SCHIP1: variants seen among roughly 807,000 people sequenced by gnomAD.
The protein encoded by SCHIP1 is schwannomin-interacting protein 1.
In SCHIP1, 8 loss-of-function variants were observed where a neutral mutation model predicts 29.7. That is an observed-to-expected ratio of 0.27 (90% CI 0.16 to 0.49). The LOEUF (loss-of-function observed/expected upper bound fraction) is 0.49, where lower values mean the gene tolerates loss of function less well. Ranked by LOEUF, SCHIP1 falls within the 20% of genes least tolerant of loss-of-function variation. SCHIP1 has a pLI of 0.99. For synonymous variants in SCHIP1, 76 were observed against 94.9 expected (o/e 0.80, Z 1.16); for missense variants, 193 against 294.6 (o/e 0.66, Z 2.52).
At chr3:159,552,412 C>A in the SCHIP1 span, among the ~76,000 whole-genome samples, 1 of 152,006 alleles carries the variant, frequency 6.6e-6, no homozygotes, top group African/African-American at 2.4e-5. Context: ...CTCTGACCTT[C>A]AGTTTCTTAA....
chr3:159,300,507 A>G, the SCHIP1 span, among the ~76,000 whole-genome samples: 1 of 152,106 alleles, frequency 6.6e-6, no homozygotes. Context: ...GAATTTTTCC[A>G]GCTCCCTCTT....
the SCHIP1 span, among the ~76,000 whole-genome samples, chr3:159,595,665 A>G: frequency 6.6e-6 from 1 of 152,186 alleles, no homozygotes; most frequent in Non-Finnish European, 1.5e-5. Flanking sequence ...ATTTAAAAAA[A>G]GAATACCAGA....
the SCHIP1 span, among the ~76,000 whole-genome samples, chr3:159,514,619 T>C: frequency 6.6e-6 from 1 of 152,212 alleles, no homozygotes; most frequent in Admixed American, 6.5e-5. Flanking sequence ...CAACCTTCTA[T>C]TGTGAGTAAA....
the SCHIP1 span, among the ~76,000 whole-genome samples, chr3:159,347,797 C>G: frequency 1.3e-5 from 2 of 152,032 alleles, no homozygotes; most frequent in Admixed American, 1.3e-4. Context: ...GATTCAATTC[C>G]TGAGTTATGA....
At chr3:159,515,174 T>C in the SCHIP1 span, among the ~76,000 whole-genome samples, 1 of 151,878 alleles carries the variant, frequency 6.6e-6, no homozygotes, top group East Asian at 1.9e-4. Context: ...CTTTAGTTTG[T>C]TCTCAACACA....
the SCHIP1 span, among the ~76,000 whole-genome samples, chr3:159,736,721 A>G: frequency 6.6e-6 from 1 of 151,540 alleles, no homozygotes; most frequent in South Asian, 2.1e-4. Flanking sequence ...TACCCTTGTA[A>G]TACAAGCCCA....
At chr3:159,672,921 G>A in the SCHIP1 span, among the ~76,000 whole-genome samples, 1 of 152,184 alleles carries the variant, frequency 6.6e-6, no homozygotes, top group African/African-American at 2.4e-5. Flanking sequence ...AAGTGGTGGT[G>A]GCGAGTACTG....
At chr3:159,854,853 T>C (rs555367629) in intron 1 of SCHIP1, among the ~76,000 whole-genome samples, 1 of 152,354 alleles carries the variant, frequency 6.6e-6, no homozygotes, top group East Asian at 1.9e-4. Context: ...TCATGACTGT[T>C]CTAGTTTTTT....
the SCHIP1 span, among the ~76,000 whole-genome samples, chr3:159,421,676 G>C: frequency 6.6e-6 from 1 of 152,168 alleles, no homozygotes; most frequent in African/African-American, 2.4e-5. Flanking sequence ...CTAATCTTAT[G>C]TCTTTGATTT....
chr3:159,382,744 T>G, the SCHIP1 span, among the ~76,000 whole-genome samples: 1 of 152,154 alleles, frequency 6.6e-6, no homozygotes, highest in Non-Finnish European at 1.5e-5. Context: ...GTGTTCCTAT[T>G]TCTCCACATC....
At chr3:159,833,585 GC>G in the SCHIP1 span, among the ~76,000 whole-genome samples, 2 of 152,144 alleles carry the variant, frequency 1.3e-5, no homozygotes, top group African/African-American at 4.8e-5. Flanking sequence ...ACATTATTGT[GC>G]CTTCCACAGT....
the SCHIP1 span, among the ~76,000 whole-genome samples, chr3:159,551,437 T>A: frequency 1.3e-5 from 2 of 152,204 alleles, no homozygotes. Flanking sequence ...TTCCTCCCCC[T>A]TTATCACTAG....
At chr3:159,886,289 A>G in exon 3 of SCHIP1, 3 of 1,614,122 alleles carry the variant, frequency 1.9e-6, no homozygotes, top group Non-Finnish European at 2.5e-6. Flanking sequence ...TGACAGTAAG[A>G]CTGAAACCAG....
chr3:159,472,482 C>T, the SCHIP1 span, among the ~76,000 whole-genome samples: 1 of 152,110 alleles, frequency 6.6e-6, no homozygotes, highest in Non-Finnish European at 1.5e-5. Context: ...AGCCTTTTAC[C>T]TCTTATGCTA....
At chr3:159,496,854 C>A in the SCHIP1 span, among the ~76,000 whole-genome samples, 2 of 152,068 alleles carry the variant, frequency 1.3e-5, no homozygotes, top group Non-Finnish European at 2.9e-5. Context: ...TGGAACCAAC[C>A]CAAATGTCCA....
At chr3:159,635,071 T>G in the SCHIP1 span, among the ~76,000 whole-genome samples, 2 of 152,194 alleles carry the variant, frequency 1.3e-5, no homozygotes, top group African/African-American at 4.8e-5. Flanking sequence ...TCTGCAAATC[T>G]AGGCTGTAAA....
chr3:159,529,509 G>A, the SCHIP1 span, among the ~76,000 whole-genome samples: 1 of 151,814 alleles, frequency 6.6e-6, no homozygotes, highest in African/African-American at 2.4e-5. Context: ...ACATATTTAT[G>A]GCTTACATGT....
At chr3:159,389,022 G>A in the SCHIP1 span, among the ~76,000 whole-genome samples, 1 of 151,958 alleles carries the variant, frequency 6.6e-6, no homozygotes. Context: ...ACCCAAGAAG[G>A]AAAATACTGA....
chr3:159,428,517 A>G, the SCHIP1 span, among the ~76,000 whole-genome samples: 1 of 152,318 alleles, frequency 6.6e-6, no homozygotes, highest in East Asian at 1.9e-4. Flanking sequence ...CACCAGTTAG[A>G]ATGGCAATCA....
Sources: allele counts gnomAD v4.1 joint callset (sites outside exome capture counted in the v4.1 genomes callset), GRCh38; gene constraint gnomAD v4.1.1; transcripts MANE v1.5; gene names NCBI Gene and HGNC (gene_info 2026-07-23, HGNC 2026-07-21).